The following ADAM20 variants were observed in gnomAD, a reference collection of about 807,000 sequenced individuals.
ADAM20 encodes the protein ADAM metallopeptidase domain 20.
For synonymous variants in ADAM20, 305 were observed against 310.2 expected (o/e 0.98, Z 0.18); for missense variants, 871 against 883.2 (o/e 0.99, Z 0.18).
At chr14:70,531,698 T>C (rs973212695) in intron 1 of ADAM20, among the ~76,000 whole-genome samples, 1 of 152,084 alleles carries the variant, frequency 6.6e-6, no homozygotes, top group Non-Finnish European at 1.5e-5. Flanking sequence ...ACGTGCATAA[T>C]TATATACTAA....
At position 70,524,042 on chromosome 14, in the gene ADAM20, T is replaced by C. The variant is rs773651514; in HGVS notation, c.716A>G (p.Asn239Ser). 1.4e-5 allele frequency: 23 copies of C among 1,613,864 alleles called. No individual in the cohort carries two copies. Among genetic ancestry groups the C allele is most frequent in the African/African-American group, 2.7e-5 (2 of 74,918 alleles). The change falls in exon 2 of 2, where the codon AAT becomes AGT. Residue 239 changes from asparagine to serine, a missense_variant. Coordinates refer to ENST00000256389, the MANE Select transcript of ADAM20 (RefSeq NM_003814.5). ...AGGATGATAGAAGGAATCCACTATA[T>C]TGACAACGTTAAATACTTCATGCTG... ...TVQHEVFNVV[N>S]IVDSFYHPLE... is the part of the protein sequence containing the mutation.
chr14:70,523,674 G>A lies in ADAM20; in HGVS notation c.1084C>T (p.Gln362Ter). Residue 362 changes from glutamine (Q) to a stop codon, truncating the protein, a stop_gained, in exon 2 of 2, where the codon CAG becomes TAG. Transcript: ENST00000256389. LOFTEE classifies it low-confidence loss of function (END_TRUNC). ...CTATAGGCATGCATTATGCACCACT[G>A]TAGCTCGCACACACACCACTGGGTG... ...HDTQWCVCEL[Q>*]WCIMHAYRKV... 1 of 1,614,044 alleles carries A rather than the reference G, an allele frequency of 6.2e-7. No homozygotes were observed. The highest frequency in any genetic ancestry group is 8.5e-7 in the Non-Finnish European group (1 of 1,179,976).
the ADAM20 span, among the ~76,000 whole-genome samples, chr14:70,574,298 A>T: frequency 6.6e-6 from 1 of 152,220 alleles, no homozygotes; most frequent in Non-Finnish European, 1.5e-5. Flanking sequence ...CAAAATTTGT[A>T]ACAGGCAGCA....
At position 70,523,353 on chromosome 14, in the gene ADAM20, C is replaced by T. The variant is rs770307642; in HGVS notation, c.1405G>A (p.Val469Ile). 8.7e-6 allele frequency: 14 copies of T among 1,614,098 alleles called. No homozygotes were observed. The highest frequency in any genetic ancestry group is 1.7e-5 in the Admixed American group (1 of 59,994). ...LPSGTLCRQQ[V>I]GECDLPEWCN... ...CACTCTGGAAGGTCACATTCACCAA[C>T]TTGTTGTCTACATAAAGTTCCTGAT... Residue 469 changes from valine (V) to isoleucine (I), a missense_variant, in exon 2 of 2, where the codon GTT becomes ATT. Val to Ile is a conservative substitution (Grantham distance 29). Coordinates refer to ENST00000256389, the MANE Select transcript of ADAM20 (RefSeq NM_003814.5).
At chr14:70,527,889 C>T (rs1046443802) in intron 1 of ADAM20, among the ~76,000 whole-genome samples, 3 of 152,202 alleles carry the variant, frequency 2.0e-5, no homozygotes, top group Non-Finnish European at 4.4e-5. Flanking sequence ...GAACTTTGTT[C>T]ATGCCCTACC....
At chr14:70,572,520 T>C in the ADAM20 span, among the ~76,000 whole-genome samples, 8 of 152,054 alleles carry the variant, frequency 5.3e-5, no homozygotes, top group Admixed American at 5.2e-4. Flanking sequence ...TAGGGAAAAC[T>C]CTTCTGGATT....
chr14:70,525,315 G>A (rs1344159530), intron 1 of ADAM20, among the ~76,000 whole-genome samples: 1 of 151,990 alleles, frequency 6.6e-6, no homozygotes, highest in Non-Finnish European at 1.5e-5. Context: ...CTAGACTCAC[G>A]AGATCCTCCC....
the ADAM20 span, chr14:70,547,145 T>C: frequency 6.6e-6 from 1 of 152,206 alleles, no homozygotes; most frequent in African/African-American, 2.4e-5. Flanking sequence ...GATTGAACTA[T>C]GAAGATATCC....
the ADAM20 span, among the ~76,000 whole-genome samples, chr14:70,546,410 A>C: frequency 6.6e-6 from 1 of 152,198 alleles, no homozygotes; most frequent in African/African-American, 2.4e-5. Flanking sequence ...ACATCAATCA[A>C]TGTATGTAAG....
chr14:70,559,536 GTCATA>G, the ADAM20 span, among the ~76,000 whole-genome samples: 3 of 152,138 alleles, frequency 2.0e-5, no homozygotes, highest in Non-Finnish European at 4.4e-5. Flanking sequence ...TTTAATATGA[GTCATA>G]TCATATCATT....
intron 1 of ADAM20, among the ~76,000 whole-genome samples, chr14:70,525,724 T>C (rs1235500978): frequency 2.0e-5 from 3 of 152,138 alleles, no homozygotes; most frequent in African/African-American, 7.2e-5. Context: ...TCTAAATTGA[T>C]AGTCAAAAAA....
intron 1 of ADAM20, among the ~76,000 whole-genome samples, chr14:70,531,748 CAATAGCATCAGAAAG>C (rs1463774801): frequency 6.6e-6 from 1 of 151,656 alleles, no homozygotes; most frequent in Non-Finnish European, 1.5e-5. Flanking sequence ...ATTCTATTTA[CAATAGCATCAGAAAG>C]AATAAAATAC....
chr14:70,524,806 G>C lies in ADAM20; in HGVS notation c.-49C>G. On this transcript the variant is annotated 5_prime_UTR_variant, in exon 2 of 2. Coordinates refer to ENST00000256389, the MANE Select transcript of ADAM20 (RefSeq NM_003814.5). ...ATCTGTCTAGAGCAGAAGAGAACAAGGTGTGAGGCACTGCTGGTCTGGCTC... is the reference window on the plus strand; with the variant it reads ...ATCTGTCTAGAGCAGAAGAGAACAACGTGTGAGGCACTGCTGGTCTGGCTC... The C allele has an allele frequency of 6.2e-7, 1 of 1,613,504 alleles. No homozygotes were observed. Among genetic ancestry groups the C allele is most frequent in the Non-Finnish European group, 8.5e-7 (1 of 1,179,932 alleles).
the ADAM20 span, among the ~76,000 whole-genome samples, chr14:70,554,228 C>A: frequency 6.6e-6 from 1 of 151,986 alleles, no homozygotes; most frequent in East Asian, 1.9e-4. Flanking sequence ...TATAAGATAA[C>A]AAATGTTGGT....
At chr14:70,559,491 C>T in the ADAM20 span, among the ~76,000 whole-genome samples, 2 of 152,090 alleles carry the variant, frequency 1.3e-5, no homozygotes, top group Admixed American at 1.3e-4. Context: ...TTCTTATACT[C>T]GACACTCAAT....
Position 70,524,607 on chromosome 14 carries a change from T to G in ADAM20, c.151A>C (p.Arg51=). 6.2e-7 allele frequency: 1 copy of G among 1,613,998 alleles called. No homozygotes were observed. The change falls in exon 2 of 2, where the codon AGG becomes CGG. Residue 51 remains arginine, a synonymous_variant. Coordinates refer to ENST00000256389, the MANE Select transcript of ADAM20 (RefSeq NM_003814.5). Reference sequence around the variant, plus strand: ...CCAGGAGCCTTTGCACCTCTGCCCCTGCTGATCACCTTCAAAGGGATCACC... The same window carrying G: ...CCAGGAGCCTTTGCACCTCTGCCCCGGCTGATCACCTTCAAAGGGATCACC... ...EVVIPLKVIS[R]GRGAKAPGWL...
the ADAM20 span, among the ~76,000 whole-genome samples, chr14:70,554,654 C>T: frequency 6.6e-6 from 1 of 152,072 alleles, no homozygotes; most frequent in Admixed American, 6.5e-5. Context: ...AAGCCAGATG[C>T]AGAAAAACAA....
At chr14:70,577,514 G>C in the ADAM20 span, among the ~76,000 whole-genome samples, 1 of 152,196 alleles carries the variant, frequency 6.6e-6, no homozygotes, top group South Asian at 2.1e-4. Context: ...ATAAGAACTA[G>C]AACACTAGAA....
chr14:70,529,511 C>T (rs1324915805), intron 1 of ADAM20, among the ~76,000 whole-genome samples: 1 of 152,138 alleles, frequency 6.6e-6, no homozygotes, highest in Non-Finnish European at 1.5e-5. Flanking sequence ...ATGGTATAGC[C>T]TACTATACAC....
Sources: gnomAD v4.1 joint callset for allele counts (sites outside exome capture counted in the v4.1 genomes callset) on GRCh38, gnomAD v4.1.1 for gene constraint, MANE v1.5 for transcripts, NCBI Gene and HGNC (gene_info 2026-07-23, HGNC 2026-07-21) for gene names.